STIM2: variants seen among roughly 807,000 people sequenced by gnomAD.
STIM2 encodes stromal interaction molecule 2.
In STIM2, 31 loss-of-function variants were observed where a neutral mutation model predicts 85.8. The ratio of observed to expected loss-of-function variants is 0.36; its 90% CI spans 0.27 to 0.49. The LOEUF is 0.49. STIM2 is among the 20% of genes least tolerant of loss of function. The pLI is 0.98. For missense variants in STIM2, 841 were observed against 927.6 expected (o/e 0.91, Z 1.21); for synonymous variants, 356 against 331.1 (o/e 1.08, Z -0.82).
chr4:26,874,943 A>G (rs1341734706), intron 1 of STIM2, among the ~76,000 whole-genome samples: 3 of 152,262 alleles, frequency 2.0e-5, no homozygotes. Context: ...GTTTTGCTAC[A>G]TGCAGTATGT....
intron 7 of STIM2, among the ~76,000 whole-genome samples, chr4:27,004,664 T>C (rs1403491887): frequency 6.6e-6 from 1 of 152,146 alleles, no homozygotes; most frequent in Admixed American, 6.6e-5. Context: ...CTTGAAGCTT[T>C]GGGAGAGAGA....
At chr4:26,919,867 GT>G (rs1483750056) in intron 2 of STIM2, among the ~76,000 whole-genome samples, 2 of 152,058 alleles carry the variant, frequency 1.3e-5, no homozygotes, top group Non-Finnish European at 2.9e-5. Context: ...TCCATCTCAT[GT>G]TCCTGTATTT....
chr4:26,881,931 T>G (rs928012246), intron 1 of STIM2, among the ~76,000 whole-genome samples: 4 of 152,260 alleles, frequency 2.6e-5, no homozygotes, highest in African/African-American at 9.6e-5. Context: ...TTAAAAGATA[T>G]GTATATTTTA....
chr4:26,935,097 T>C (rs890887985), intron 2 of STIM2, among the ~76,000 whole-genome samples: 1 of 152,142 alleles, frequency 6.6e-6, no homozygotes, highest in African/African-American at 2.4e-5. Flanking sequence ...TAGCTGCAAA[T>C]TCTATTTTAA....
chr4:27,021,022 G>C (rs758886471), intron 11 of STIM2: 4 of 1,535,258 alleles, frequency 2.6e-6, no homozygotes, highest in South Asian at 1.2e-5. Context: ...GGCTCGGTGC[G>C]TGCAAAAGTG....
intron 10 of STIM2, among the ~76,000 whole-genome samples, chr4:27,011,668 C>T (rs977538013): frequency 4.6e-5 from 7 of 152,144 alleles, no homozygotes; most frequent in African/African-American, 1.7e-4. Context: ...GAAATGATAC[C>T]TCACAATTAT....
chr4:26,861,078 G>T lies in STIM2; in HGVS notation c.-141G>T. ...GCCGGAGGAGTCGCCGGCGGCGGTG[G>T]TGGCGCCTCGCGGAGCCGGCGAGCT... On this transcript the variant is annotated 5_prime_UTR_variant, in exon 1 of 12. Coordinates refer to ENST00000467087, the MANE Select transcript of STIM2 (RefSeq NM_020860.4). 1 of 1,190,962 alleles carries T rather than the reference G, an allele frequency of 8.4e-7. No homozygotes were observed. Among genetic ancestry groups the T allele is most frequent in the Non-Finnish European group, 1.0e-6 (1 of 964,338 alleles). 73.8% of individuals were successfully genotyped at this position (1,190,962 alleles called of 1,614,324 possible).
Position 27,015,790 on chromosome 4 carries a change from T to G in STIM2, c.1490-1921T>G, listed in dbSNP as rs992677624. Among the ~76,000 whole-genome samples the G allele has an allele frequency of 1.9e-4, 5 of 26,698 alleles. No individual in the cohort carries two copies. In the South Asian group the frequency reaches 4.2e-3, roughly 22 times the overall value. 17.5% of individuals were successfully genotyped at this position (26,698 alleles called of 152,430 possible). ...TATGATTGGGTGTGGATTTAAACAG[T>G]TTTTTTTTTTTTTTGCTAATATTTG... On this transcript the variant is annotated intron_variant, in intron 10 of 11. Coordinates refer to ENST00000467087, the MANE Select transcript of STIM2 (RefSeq NM_020860.4).
chr4:26,995,302 A>G (rs1253444579), intron 3 of STIM2, 77 bp from the exon 4 acceptor site: 7 of 750,070 alleles, frequency 9.3e-6, no homozygotes, highest in Non-Finnish European at 1.5e-5. Flanking sequence ...ATATCTTTAT[A>G]TTCTCTGAAA....
At chr4:26,984,492 CT>C (rs1167668048) in intron 3 of STIM2, among the ~76,000 whole-genome samples, 2 of 152,124 alleles carry the variant, frequency 1.3e-5, no homozygotes, top group African/African-American at 4.8e-5. Flanking sequence ...TCCTGAGTAG[CT>C]GGGATTACAG....
At chr4:26,991,132 C>G (rs1727751063) in intron 3 of STIM2, among the ~76,000 whole-genome samples, 1 of 152,102 alleles carries the variant, frequency 6.6e-6, no homozygotes, top group African/African-American at 2.4e-5. Flanking sequence ...CCTGCACTCT[C>G]ATGTTTACTG....
chr4:27,009,601 C>T (rs1002053124), intron 10 of STIM2, among the ~76,000 whole-genome samples: 1 of 152,186 alleles, frequency 6.6e-6, no homozygotes, highest in African/African-American at 2.4e-5. Flanking sequence ...TGACAGCAGA[C>T]AGTTAATGCA....
At chr4:26,995,571 A>T in intron 4 of STIM2, 81 bp downstream of exon 4, 1 of 750,860 alleles carries the variant, frequency 1.3e-6, no homozygotes, top group South Asian at 3.1e-5. Flanking sequence ...TGAATCTACA[A>T]GTTACTTCCG....
At chr4:26,956,444 T>C (rs1342430740) in intron 2 of STIM2, among the ~76,000 whole-genome samples, 1 of 119,158 alleles carries the variant, frequency 8.4e-6, no homozygotes, top group African/African-American at 3.4e-5. Flanking sequence ...TTTCAATGCC[T>C]TTTTTTTTTT....
chr4:26,933,515 C>T (rs1156297072), intron 2 of STIM2, among the ~76,000 whole-genome samples: 3 of 151,984 alleles, frequency 2.0e-5, no homozygotes, highest in African/African-American at 7.2e-5. Flanking sequence ...AAATGACTTT[C>T]TATAGGTCAA....
chr4:26,920,487 T>C (rs904237569), intron 2 of STIM2, among the ~76,000 whole-genome samples: 1 of 152,214 alleles, frequency 6.6e-6, no homozygotes, highest in African/African-American at 2.4e-5. Context: ...CCAAATCCCC[T>C]GGTCATTTTT....
At chr4:26,970,489 G>C (rs1726906233) in intron 3 of STIM2, among the ~76,000 whole-genome samples, 1 of 151,834 alleles carries the variant, frequency 6.6e-6, no homozygotes, top group Non-Finnish European at 1.5e-5. Flanking sequence ...GTGAGAACAT[G>C]TGGTGTTTGG....
chr4:26,876,391 G>A (rs1722816493), intron 1 of STIM2, among the ~76,000 whole-genome samples: 1 of 151,978 alleles, frequency 6.6e-6, no homozygotes, highest in African/African-American at 2.4e-5. Flanking sequence ...AAGGTCAAGT[G>A]GACTTTACCT....
chr4:26,891,565 ACACAC>A (rs1723484963), intron 1 of STIM2, among the ~76,000 whole-genome samples: 2 of 50,750 alleles, frequency 3.9e-5, no homozygotes, highest in Admixed American at 2.4e-4. Flanking sequence ...ACATACACAC[ACACAC>A]ACACACACAC....
Sources: gnomAD v4.1 joint callset for allele counts (sites outside exome capture counted in the v4.1 genomes callset) on GRCh38, gnomAD v4.1.1 for gene constraint, MANE v1.5 for transcripts, NCBI Gene and HGNC (gene_info 2026-07-23, HGNC 2026-07-21) for gene names.